The following PCDH19 variants were observed in gnomAD, a reference collection of about 807,000 sequenced individuals.
PCDH19 encodes the protein protocadherin 19, also known as protocadherin-19.
PCDH19 carries 6 observed loss-of-function variants against 46.2 expected under a neutral mutation model. The observed-to-expected ratio is 0.13, with a 90% CI of 0.07 to 0.26. The LOEUF (loss-of-function observed/expected upper bound fraction) is 0.26. Ranked by LOEUF, PCDH19 falls within the 10% of genes least tolerant of loss-of-function variation. The pLI, the probability that PCDH19 is intolerant of heterozygous loss-of-function variation, is 1.00. For synonymous variants in PCDH19, 481 were observed against 415.7 expected, an observed-to-expected ratio of 1.16 and a Z score of -1.91; for missense variants, 740 against 972.3, an observed-to-expected ratio of 0.76 and a Z score of 3.18.
rs768138593 is a variant in PCDH19, at chrX:100,409,998, T to G, written c.-1401A>C. 45 of 293,687 alleles carry G rather than the reference T, an allele frequency of 1.5e-4. No individual in the cohort carries two copies. The highest frequency in any genetic ancestry group is 1.2e-3 in the African/African-American group (42 of 35,455). 24.2% of individuals were successfully genotyped at this position (293,687 alleles called of 1,213,427 possible). A position where few individuals can be genotyped will look rare whatever the true frequency, so the allele number is the denominator to read the frequency against. ...AGAGAGGAAGAGTGAGTGTGTGGTGTGGGGAGTGTGAGTGTGGAGTATGAG... is the reference window on the plus strand; with the variant it reads ...AGAGAGGAAGAGTGAGTGTGTGGTGGGGGGAGTGTGAGTGTGGAGTATGAG... On this transcript the variant is annotated 5_prime_UTR_variant, in exon 1 of 6. Coordinates refer to ENST00000373034, the MANE Select transcript of PCDH19 (RefSeq NM_001184880.2).
chrX:100,390,292 G>A (rs184761598), intron 3 of PCDH19, among the ~76,000 whole-genome samples: 199 of 111,945 alleles, frequency 1.8e-3, no homozygotes, highest in African/African-American at 6.1e-3. Flanking sequence ...TAAACAGTAA[G>A]TCCATTCACT....
At chrX:100,311,906 C>G (rs1380357463) in intron 5 of PCDH19, among the ~76,000 whole-genome samples, 2 of 111,173 alleles carry the variant, frequency 1.8e-5, no homozygotes, top group Non-Finnish European at 3.8e-5. Context: ...CTTCTGGGTA[C>G]AGCAAACAGC....
chrX:100,302,541 G>T (rs1194910229), intron 5 of PCDH19, among the ~76,000 whole-genome samples: 1 of 112,112 alleles, frequency 8.9e-6, no homozygotes, highest in Non-Finnish European at 1.9e-5. Context: ...GTATCTGCAG[G>T]TTCTGCATCT....
At chrX:100,355,448 G>A (rs902344981) in intron 3 of PCDH19, among the ~76,000 whole-genome samples, 4 of 111,143 alleles carry the variant, frequency 3.6e-5, no homozygotes, top group African/African-American at 1.3e-4. Context: ...CAAACACAGC[G>A]TTTTTAACTT....
Position 100,310,908 on chromosome X carries a change from T to C in PCDH19, c.2849-14033A>G, listed in dbSNP as rs781088300. Among the ~76,000 whole-genome samples, 10 of 109,543 alleles carry C rather than the reference T, an allele frequency of 9.1e-5. 1 individual carries two copies. Among genetic ancestry groups the C allele is most frequent in the Admixed American group, 3.9e-4 (4 of 10,184 alleles). ...CACTCTTGCCCAAGCTGGAGTGCAATAGTGCAATCATAGCTCATTGCAGCT... is the reference window on the plus strand; with the variant it reads ...CACTCTTGCCCAAGCTGGAGTGCAACAGTGCAATCATAGCTCATTGCAGCT... On this transcript the variant is annotated intron_variant, in intron 5 of 5. Coordinates refer to ENST00000373034, the MANE Select transcript of PCDH19 (RefSeq NM_001184880.2).
Position 100,387,597 on chromosome X carries a change from T to G in PCDH19, c.2616+14927A>C, listed in dbSNP as rs968546507. 3.6e-5 allele frequency among the ~76,000 whole-genome samples: 4 copies of G among 111,880 alleles called. No homozygotes were observed. The Admixed American group carries it at 3.8e-4, about 11-fold the overall frequency. On this transcript the variant is annotated intron_variant, in intron 3 of 5. Transcript: ENST00000373034. ...GATAAAGCCTATATCATTTCTATAG[T>G]ATTAAATATATGTATAAGTTGCAGT...
chrX:100,342,912 T>G lies in PCDH19; in HGVS notation c.2676-837A>C, dbSNP rs1926295856. Among the ~76,000 whole-genome samples the G allele has an allele frequency of 3.6e-5, 4 of 112,295 alleles. No homozygotes were observed. In the Admixed American group the frequency reaches 3.8e-4, roughly 11 times the overall value. ...TTGACTGCACCATGGAATGCCCAGA[T>G]AGCTGGTTAAACATTATTTCTGGGT... is the stretch of plus-strand genomic sequence containing the variant. On this transcript the variant is annotated intron_variant, in intron 4 of 5. Coordinates refer to ENST00000373034, the MANE Select transcript of PCDH19 (RefSeq NM_001184880.2).
At chrX:100,378,869 C>T (rs1304860019) in intron 3 of PCDH19, among the ~76,000 whole-genome samples, 2 of 111,932 alleles carry the variant, frequency 1.8e-5, no homozygotes, top group East Asian at 5.6e-4. Flanking sequence ...GTCAGCACTG[C>T]CATACCAAGA....
intron 3 of PCDH19, among the ~76,000 whole-genome samples, chrX:100,381,769 C>T (rs1192585220): frequency 8.9e-6 from 1 of 111,867 alleles, no homozygotes; most frequent in Non-Finnish European, 1.9e-5. Flanking sequence ...TTGTATTTTG[C>T]ACATTTCACA....
chrX:100,306,208 A>T (rs1036200154), intron 5 of PCDH19, among the ~76,000 whole-genome samples: 12 of 112,143 alleles, frequency 1.1e-4, no homozygotes, highest in African/African-American at 3.9e-4. Context: ...TCGAAATGAT[A>T]TCAAGTACTC....
rs1377908463 is a variant in PCDH19 at position 100,295,012 on chromosome X, G to A, written c.*1265C>T. 1 of 112,251 alleles carries A rather than the reference G, an allele frequency of 8.9e-6. No individual in the cohort carries two copies. The highest frequency in any genetic ancestry group is 1.9e-5 in the Non-Finnish European group (1 of 53,191). The allele number at this position is 112,251 out of a possible 1,213,427, so 9.3% of individuals were successfully genotyped here. A position where few individuals can be genotyped will look rare whatever the true frequency, so the allele number is the denominator to read the frequency against. ...AGTGTCTGAGTGTCTCCGTTTAGAAGGCACAGTAATTGGATTAGCGATGCT... is the reference window on the plus strand; with the variant it reads ...AGTGTCTGAGTGTCTCCGTTTAGAAAGCACAGTAATTGGATTAGCGATGCT... On this transcript the variant is annotated 3_prime_UTR_variant, in exon 6 of 6. Coordinates refer to ENST00000373034, the MANE Select transcript of PCDH19 (RefSeq NM_001184880.2).
intron 5 of PCDH19, among the ~76,000 whole-genome samples, chrX:100,310,545 C>T (rs1925099468): frequency 9.0e-6 from 1 of 110,923 alleles, no homozygotes; most frequent in African/African-American, 3.3e-5. Flanking sequence ...GAAAAAGCAA[C>T]TTTACTAGTA....
rs775517393 is a variant in PCDH19, at chrX:100,408,567, G to A, written c.31C>T (p.Leu11=). The part of the protein sequence containing the change: MESLLLPVLL[L]LAILWTQAAA... Reference sequence around the variant, plus strand: ...GCCTGCGTCCACAGTATGGCCAGCAGCAGCAGCACCGGCAGCAGGAGCGAC... The same window carrying A: ...GCCTGCGTCCACAGTATGGCCAGCAACAGCAGCACCGGCAGCAGGAGCGAC... The change falls in exon 1 of 6, where the codon CTG becomes TTG. Residue 11 remains leucine, a synonymous_variant. Transcript: ENST00000373034. 2.5e-6 allele frequency: 3 copies of A among 1,187,483 alleles called. No individual in the cohort carries two copies. Among genetic ancestry groups the A allele is most frequent in the Admixed American group, 2.2e-5 (1 of 44,518 alleles).
intron 5 of PCDH19, among the ~76,000 whole-genome samples, chrX:100,308,738 C>T (rs999034791): frequency 2.2e-4 from 25 of 111,407 alleles, no homozygotes; most frequent in African/African-American, 8.2e-4. Flanking sequence ...AGACAATTCT[C>T]AAAAGAAGAT....
intron 3 of PCDH19, among the ~76,000 whole-genome samples, chrX:100,387,888 G>A (rs1927757085): frequency 9.0e-6 from 1 of 111,314 alleles, no homozygotes; most frequent in East Asian, 2.8e-4. Context: ...GAAAAAATTG[G>A]TATGATCTAA....
intron 5 of PCDH19, among the ~76,000 whole-genome samples, chrX:100,311,700 G>C (rs1236815787): frequency 9.0e-6 from 1 of 111,317 alleles, no homozygotes; most frequent in Admixed American, 9.6e-5. Context: ...CAAAGGGATA[G>C]TGTGTGTGTT....
intron 4 of PCDH19, among the ~76,000 whole-genome samples, chrX:100,350,005 T>C (rs990045183): frequency 8.9e-6 from 1 of 112,499 alleles, no homozygotes; most frequent in African/African-American, 3.2e-5. Flanking sequence ...ACTTTGAATG[T>C]TTCCTCTGAA....
At chrX:100,369,459 G>A (rs995613400) in intron 3 of PCDH19, among the ~76,000 whole-genome samples, 3 of 112,067 alleles carry the variant, frequency 2.7e-5, no homozygotes, top group African/African-American at 9.7e-5. Context: ...ACCTAAGAAC[G>A]AATTGCCCTT....
chrX:100,356,187 G>A (rs1926708233), intron 3 of PCDH19, among the ~76,000 whole-genome samples: 1 of 111,362 alleles, frequency 9.0e-6, no homozygotes, highest in African/African-American at 3.3e-5. Context: ...AAGTCCCATC[G>A]AGCTGAAAAG....
Sources: gnomAD v4.1 joint callset for allele counts (sites outside exome capture counted in the v4.1 genomes callset) on GRCh38, gnomAD v4.1.1 for gene constraint, MANE v1.5 for transcripts, NCBI Gene and HGNC (gene_info 2026-07-23, HGNC 2026-07-21) for gene names.